DRD4: variants seen among roughly 807,000 people sequenced by gnomAD.
DRD4 encodes the protein D(4) dopamine receptor.
DRD4 carries 26 observed loss-of-function variants against 22.1 expected under a neutral mutation model. The observed-to-expected ratio is 1.17, with a 90% CI of 0.86 to 1.63. The LOEUF is 1.63. DRD4 is among the 40% of genes most tolerant of loss of function. The pLI is 0.00. For missense variants in DRD4, 913 were observed against 632.4 expected (o/e 1.44, Z -4.76); for synonymous variants, 455 against 306.7 (o/e 1.48, Z -5.05).
At position 639,864 on chromosome 11, in the gene DRD4, C is replaced by T. The variant is rs762109275; in HGVS notation, c.615C>T (p.Cys205=). ...CCGTGTGCTCCTTCTTCCTACCCTG[C>T]CCGCTCATGCTGCTGCTCTACTGGG... ...YSSVCSFFLP[C]PLMLLLYWAT... is the part of the protein sequence containing the mutation. Residue 205 remains cysteine (C), a synonymous_variant, in exon 3 of 4, where the codon TGC becomes TGT. Coordinates refer to ENST00000176183, the MANE Select transcript of DRD4 (RefSeq NM_000797.4). 6.3e-6 allele frequency: 10 copies of T among 1,585,474 alleles called. No homozygotes were observed. Among genetic ancestry groups the T allele is most frequent in the South Asian group, 3.3e-5 (3 of 89,752 alleles).
Position 637,297 on chromosome 11 carries a change from G to T in DRD4, c.-8G>T. On this transcript the variant is annotated 5_prime_UTR_variant, in exon 1 of 4. Coordinates refer to ENST00000176183, the MANE Select transcript of DRD4 (RefSeq NM_000797.4). ...GTCCGCGGTGCTCAGCGCCCGCCCGGGCGCGCCATGGGGAACCGCAGCACC... is the reference window on the plus strand; with the variant it reads ...GTCCGCGGTGCTCAGCGCCCGCCCGTGCGCGCCATGGGGAACCGCAGCACC... 4.2e-6 allele frequency: 5 copies of T among 1,199,794 alleles called. No homozygotes were observed. Among genetic ancestry groups the T allele is most frequent in the Non-Finnish European group, 5.2e-6 (5 of 967,706 alleles). 74.3% of individuals were successfully genotyped at this position (1,199,794 alleles called of 1,614,324 possible).
chr11:637,331 G>C lies in DRD4; in HGVS notation c.27G>C (p.Ala9=), dbSNP rs941276882. The C allele has an allele frequency of 2.4e-6, 3 of 1,258,536 alleles. No homozygotes were observed. The highest frequency in any genetic ancestry group is 3.0e-6 in the Non-Finnish European group (3 of 1,006,818). The allele number at this position is 1,258,536 out of a possible 1,614,324, so 78.0% of individuals were successfully genotyped here. A position where few individuals can be genotyped will look rare whatever the true frequency, so the allele number is the denominator to read the frequency against. The change falls in exon 1 of 4, where the codon GCG becomes GCC. Residue 9 remains alanine, a synonymous_variant. Transcript: ENST00000176183. MGNRSTAD[A]DGLLAGRGPA... ...TGGGGAACCGCAGCACCGCGGACGC[G>C]GACGGGCTGCTGGCTGGGCGCGGGC...
At position 640,009 on chromosome 11, in the gene DRD4, C is replaced by T; in HGVS notation, c.760C>T (p.Pro254Ser). 1 of 1,261,322 alleles carries T rather than the reference C, an allele frequency of 7.9e-7. No homozygotes were observed. The highest frequency in any genetic ancestry group is 9.9e-7 in the Non-Finnish European group (1 of 1,008,888). 78.1% of individuals were successfully genotyped at this position (1,261,322 alleles called of 1,614,324 possible). A position where few individuals can be genotyped will look rare whatever the true frequency, so the allele number is the denominator to read the frequency against. Residue 254 changes from proline to serine, a missense_variant, in exon 3 of 4, where the codon CCC becomes TCC. By Grantham distance (74) the Pro-to-Ser change is moderately conservative (BLOSUM62 -1). Transcript: ENST00000176183. The stretch of plus-strand genomic sequence containing the variant: ...CCCCACGCCACCCGCGCCCCGCCTC[C>T]CCCAGGACCCCTGCGGCCCCGACTG... ...PSPTPPAPRL[P>S]QDPCGPDCAP...
Position 640,439 on chromosome 11 carries a change from C to T in DRD4, c.1096C>T (p.His366Tyr), listed in dbSNP as rs1478663921. The T allele has an allele frequency of 6.2e-7, 1 of 1,601,290 alleles. No individual in the cohort carries two copies. Among genetic ancestry groups the T allele is most frequent in the South Asian group, 1.1e-5 (1 of 91,062 alleles). ...LLCWTPFFVVHITQALCPACS... is the reference protein window; with the variant it reads ...LLCWTPFFVVYITQALCPACS... The stretch of plus-strand genomic sequence containing the variant: ...GTGCTGGACGCCCTTCTTCGTGGTG[C>T]ACATCACGCAGGCGCTGTGTCCTGC... Residue 366 changes from histidine to tyrosine, a missense_variant, in exon 4 of 4, where the codon CAC (histidine) becomes TAC (tyrosine). Transcript: ENST00000176183.
intron 2 of DRD4, 29 bp from the exon 3 acceptor site, chr11:639,619 G>A: frequency 7.1e-7 from 1 of 1,400,388 alleles, no homozygotes. Flanking sequence ...CCTGTGCGCT[G>A]TCCGGCGCCC....
rs1328875107 is a variant in DRD4 at position 639,593 on chromosome 11, G to C, written c.398+48G>C. 11 of 1,297,372 alleles carry C rather than the reference G, an allele frequency of 8.5e-6. No homozygotes were observed. In the Admixed American group the frequency reaches 1.7e-4, roughly 20 times the overall value. The allele number at this position is 1,297,372 out of a possible 1,614,324, so 80.4% of individuals were successfully genotyped here. On this transcript the variant is annotated intron_variant, in intron 2 of 3. Coordinates refer to ENST00000176183, the MANE Select transcript of DRD4 (RefSeq NM_000797.4). ...GCCCCGGCGCCCCCGCGCCCCGCCCGCCGCCCTCACCGCGGCCTGTGCGCT... is the reference window on the plus strand; with the variant it reads ...GCCCCGGCGCCCCCGCGCCCCGCCCCCCGCCCTCACCGCGGCCTGTGCGCT...
Position 639,729 on chromosome 11 carries a change from G to T in DRD4, c.480G>T (p.Trp160Cys), listed in dbSNP as rs770162319. Residue 160 changes from tryptophan (W) to cysteine (C), a missense_variant, in exon 3 of 4, where the codon TGG becomes TGT. Coordinates refer to ENST00000176183, the MANE Select transcript of DRD4 (RefSeq NM_000797.4). ...RRQLLLIGATWLLSAAVAAPV... is the reference protein window; with the variant it reads ...RRQLLLIGATCLLSAAVAAPV... ...AGCTGCTGCTCATCGGCGCCACGTG[G>T]CTGCTGTCCGCGGCGGTGGCGGCGC... The T allele has an allele frequency of 6.6e-7, 1 of 1,518,890 alleles. No homozygotes were observed. Among genetic ancestry groups the T allele is most frequent in the South Asian group, 1.2e-5 (1 of 83,078 alleles). The allele number at this position is 1,518,890 out of a possible 1,614,324, so 94.1% of individuals were successfully genotyped here.
At position 640,566 on chromosome 11, in the gene DRD4, G is replaced by C; in HGVS notation, c.1223G>C (p.Arg408Pro). 2 of 1,599,916 alleles carry C rather than the reference G, an allele frequency of 1.3e-6. No individual in the cohort carries two copies. The highest frequency in any genetic ancestry group is 1.7e-5 in the Admixed American group (1 of 60,020). The change falls in exon 4 of 4, where the codon CGC (arginine) becomes CCC (proline). Residue 408 changes from arginine (R) to proline (P), a missense_variant. Arg to Pro is a moderately radical substitution (Grantham distance 103, BLOSUM62 -2). Transcript: ENST00000176183. Reference protein sequence around the residue: ...VIYTVFNAEFRNVFRKALRAC... With the variant: ...VIYTVFNAEFPNVFRKALRAC... Reference sequence around the variant, plus strand: ...TACACTGTCTTCAACGCCGAGTTCCGCAACGTCTTCCGCAAGGCCCTGCGT... The same window carrying C: ...TACACTGTCTTCAACGCCGAGTTCCCCAACGTCTTCCGCAAGGCCCTGCGT...
At chr11:637,966 C>T (rs1223667452) in intron 1 of DRD4, among the ~76,000 whole-genome samples, 3 of 139,858 alleles carry the variant, frequency 2.1e-5, no homozygotes, top group Non-Finnish European at 3.1e-5. Flanking sequence ...GATGCAGGCT[C>T]AGCCCCCTGG....
chr11:640,034 GT>G lies in DRD4; in HGVS notation c.786del (p.Cys262TrpfsTer84). On this transcript the variant is annotated frameshift_variant, in exon 3 of 4. Coordinates refer to ENST00000176183, the MANE Select transcript of DRD4 (RefSeq NM_000797.4). LOFTEE classifies it high-confidence loss of function. ...RLPQDPCGPD[C>X]APPAPGLPRG... ...CCCCAGGACCCCTGCGGCCCCGACTGTGCGCCCCCCGCGCCCGGCCTTCCCC... is the reference window on the plus strand; with the variant it reads ...CCCCAGGACCCCTGCGGCCCCGACTGGCGCCCCCCGCGCCCGGCCTTCCCC... 1.8e-5 allele frequency: 22 copies of G among 1,192,498 alleles called. No individual in the cohort carries two copies. The East Asian group carries it at 1.9e-4, about 10-fold the overall frequency. The allele number at this position is 1,192,498 out of a possible 1,614,324, so 73.9% of individuals were successfully genotyped here. A position where few individuals can be genotyped will look rare whatever the true frequency, so the allele number is the denominator to read the frequency against.
At position 637,336 on chromosome 11, in the gene DRD4, G is replaced by A. The variant is rs1274249349; in HGVS notation, c.32G>A (p.Gly11Glu). 2 of 1,272,954 alleles carry A rather than the reference G, an allele frequency of 1.6e-6. No homozygotes were observed. Among genetic ancestry groups the A allele is most frequent in the Admixed American group, 4.3e-5 (1 of 23,144 alleles). 78.9% of individuals were successfully genotyped at this position (1,272,954 alleles called of 1,614,324 possible). Residue 11 changes from glycine (G) to glutamate (E), a missense_variant, in exon 1 of 4, where the codon GGG (glycine) becomes GAG (glutamate). Gly to Glu is a moderately conservative substitution (Grantham distance 98, BLOSUM62 -2). Transcript: ENST00000176183. MGNRSTADAD[G>E]LLAGRGPAAG... ...AACCGCAGCACCGCGGACGCGGACG[G>A]GCTGCTGGCTGGGCGCGGGCCGGCC...
chr11:640,587 T>C lies in DRD4; in HGVS notation c.1244T>C (p.Leu415Pro), dbSNP rs1447821106. The C allele has an allele frequency of 6.3e-7, 1 of 1,599,376 alleles. No individual in the cohort carries two copies. The highest frequency in any genetic ancestry group is 1.3e-5 in the African/African-American group (1 of 74,924). The change falls in exon 4 of 4, where the codon CTG becomes CCG. Residue 415 changes from leucine to proline, a missense_variant. By Grantham distance (98) the Leu-to-Pro change is moderately conservative (BLOSUM62 -3). Transcript: ENST00000176183. ...AEFRNVFRKA[L>P]RACC is the part of the protein sequence containing the mutation. ...TTCCGCAACGTCTTCCGCAAGGCCCTGCGTGCCTGCTGCTGAGCCGGGCAC... is the reference window on the plus strand; with the variant it reads ...TTCCGCAACGTCTTCCGCAAGGCCCCGCGTGCCTGCTGCTGAGCCGGGCAC...
chr11:639,967 GGCCCTGGCCC>G lies in DRD4; in HGVS notation c.722_731del (p.Pro241LeufsTer102). On this transcript the variant is annotated frameshift_variant, in exon 3 of 4. Transcript: ENST00000176183. LOFTEE classifies it high-confidence loss of function. ...CGGCCGCGCGCCCCGCCGACCCAGCGGCCCTGGCCCGCCTTCCCCCACGCCACCCGCGCCC... is the reference window on the plus strand; with the variant it reads ...CGGCCGCGCGCCCCGCCGACCCAGCGGCCTTCCCCCACGCCACCCGCGCCC... 1 of 1,419,880 alleles carries G rather than the reference GGCCCTGGCCC, an allele frequency of 7.0e-7. No individual in the cohort carries two copies. The highest frequency in any genetic ancestry group is 9.2e-7 in the Non-Finnish European group (1 of 1,092,404). 88.0% of individuals were successfully genotyped at this position (1,419,880 alleles called of 1,614,324 possible). A position where few individuals can be genotyped will look rare whatever the true frequency, so the allele number is the denominator to read the frequency against.
At chr11:639,586 C>CCCGCCCG (rs1241894132) in intron 2 of DRD4, 41 bp downstream of exon 2, 8 of 1,317,436 alleles carry the variant, frequency 6.1e-6, no homozygotes, top group South Asian at 1.9e-5. Flanking sequence ...GCCCCCGCGC[C>CCCGCCCG]CCGCCCGCCG....
In DRD4 at chr11:640,218, CCAGACTCCACCG is replaced by C. The variant is rs1465926172; in HGVS notation, c.975_986del (p.Pro326_Thr329del). Reference sequence around the variant, plus strand: ...CCGTCAGAGCCGCCGCGCTCCCACCCCAGACTCCACCGCAGACCCGCAGGAGGCGGCGTGCCA... The same window carrying C: ...CCGTCAGAGCCGCCGCGCTCCCACCCCAGACCCGCAGGAGGCGGCGTGCCA... On this transcript the variant is annotated inframe_deletion, in exon 3 of 4. Transcript: ENST00000176183. 3.5e-5 allele frequency: 53 copies of C among 1,532,910 alleles called. No individual in the cohort carries two copies. Among genetic ancestry groups the C allele is most frequent in the Admixed American group, 5.9e-5 (3 of 50,956 alleles). 95.0% of individuals were successfully genotyped at this position (1,532,910 alleles called of 1,614,324 possible).
Position 640,081 on chromosome 11 carries a change from T to A in DRD4, c.832T>A (p.Cys278Ser). The change falls in exon 3 of 4, where the codon TGT (cysteine) becomes AGT (serine). Residue 278 changes from cysteine (C) to serine (S), a missense_variant. Cys to Ser is a moderately radical substitution (Grantham distance 112). Coordinates refer to ENST00000176183, the MANE Select transcript of DRD4 (RefSeq NM_000797.4). ...GLPRGPCGPD[C>S]APAAPSLPQD... ...TCCCCGGGGTCCCTGCGGCCCCGAC[T>A]GTGCGCCCGCCGCGCCCAGCCTCCC... 1.8e-6 allele frequency: 2 copies of A among 1,120,810 alleles called. No individual in the cohort carries two copies. The highest frequency in any genetic ancestry group is 2.2e-6 in the Non-Finnish European group (2 of 889,958). 69.4% of individuals were successfully genotyped at this position (1,120,810 alleles called of 1,614,324 possible).
At chr11:638,912 C>T (rs1007314225) in intron 1 of DRD4, 1 of 160,824 alleles carries the variant, frequency 6.2e-6, no homozygotes, top group African/African-American at 2.4e-5. Context: ...CAGGCCTGGT[C>T]TCTACAAAAA....
Position 639,915 on chromosome 11 carries a change from G to C in DRD4, c.666G>C (p.Trp222Cys). 1 of 1,555,222 alleles carries C rather than the reference G, an allele frequency of 6.4e-7. No homozygotes were observed. Among genetic ancestry groups the C allele is most frequent in the Non-Finnish European group, 8.6e-7 (1 of 1,159,132 alleles). Reference sequence around the variant, plus strand: ...CCACGTTCCGCGGCCTGCAGCGCTGGGAGGTGGCACGTCGCGCCAAGCTGC... The same window carrying C: ...CCACGTTCCGCGGCCTGCAGCGCTGCGAGGTGGCACGTCGCGCCAAGCTGC... ...YWATFRGLQR[W>C]EVARRAKLHG... Residue 222 changes from tryptophan (W) to cysteine (C), a missense_variant, in exon 3 of 4, where the codon TGG (tryptophan) becomes TGC (cysteine). Transcript: ENST00000176183.
chr11:639,799 G>T lies in DRD4; in HGVS notation c.550G>T (p.Val184Leu). Residue 184 changes from valine to leucine, a missense_variant, in exon 3 of 4, where the codon GTG becomes TTG. By Grantham distance (32) the Val-to-Leu change is conservative. Coordinates refer to ENST00000176183, the MANE Select transcript of DRD4 (RefSeq NM_000797.4). ...LNDVRGRDPA[V>L]CRLEDRDYVV... is the part of the protein sequence containing the mutation. ...CGACGTGCGCGGCCGCGACCCCGCC[G>T]TGTGCCGCCTGGAGGACCGCGACTA... 1.9e-6 allele frequency: 3 copies of T among 1,581,130 alleles called. No individual in the cohort carries two copies. The African/African-American group carries it at 4.1e-5, about 22-fold the overall frequency.
Sources: gnomAD v4.1 joint callset for allele counts (sites outside exome capture counted in the v4.1 genomes callset) on GRCh38, gnomAD v4.1.1 for gene constraint, MANE v1.5 for transcripts, NCBI Gene and HGNC (gene_info 2026-07-23, HGNC 2026-07-21) for gene names.